STXBP5: variants seen among roughly 807,000 people sequenced by gnomAD.
STXBP5 encodes syntaxin-binding protein 5.
STXBP5 carries 50 observed loss-of-function variants against 152.4 expected under a neutral mutation model. The observed-to-expected ratio is 0.33, with a 90% CI of 0.26 to 0.42. STXBP5 has a LOEUF of 0.42. Among genes scored for constraint, STXBP5 ranks in the 10% least tolerant of loss-of-function variants. The pLI is 1.00. For missense variants in STXBP5, 1,167 were observed against 1,388.6 expected, an observed-to-expected ratio of 0.84 and a Z score of 2.54; for synonymous variants, 492 against 494.7, an observed-to-expected ratio of 0.99 and a Z score of 0.07.
At chr6:147,253,513 A>T (rs1306824738) in intron 4 of STXBP5, among the ~76,000 whole-genome samples, 1 of 152,138 alleles carries the variant, frequency 6.6e-6, no homozygotes, top group African/African-American at 2.4e-5. Context: ...AGGAAGTCAA[A>T]TTGTCTCTGT....
At chr6:147,319,010 T>C (rs566369513) in intron 16 of STXBP5, among the ~76,000 whole-genome samples, 3 of 152,320 alleles carry the variant, frequency 2.0e-5, no homozygotes, top group Non-Finnish European at 2.9e-5. Flanking sequence ...CTCAGAACTT[T>C]GTGACCATCC....
chr6:147,306,370 C>A (rs530953752), intron 9 of STXBP5, among the ~76,000 whole-genome samples: 14 of 152,316 alleles, frequency 9.2e-5, no homozygotes, highest in Non-Finnish European at 2.1e-4. Context: ...GGGCCCCCAA[C>A]TCTGCCAGGG....
In STXBP5 at chr6:147,353,500, T is replaced by C; in HGVS notation, c.2305+127T>C. On this transcript the variant is annotated intron_variant, in intron 22 of 27. Coordinates refer to ENST00000321680, the MANE Select transcript of STXBP5 (RefSeq NM_001127715.4). ...TTTAAAATGACTAAGATGCTTAAGG[T>C]TTAAACATTCTTTGGAATAGTCTTT... 5.7e-6 allele frequency: 3 copies of C among 528,748 alleles called. 1 individual carries two copies. The South Asian group carries it at 9.3e-5, about 16-fold the overall frequency. The allele number at this position is 528,748 out of a possible 1,614,324, so 32.8% of individuals were successfully genotyped here.
chr6:147,356,431 A>C (rs1046024782), intron 22 of STXBP5, among the ~76,000 whole-genome samples: 3 of 151,850 alleles, frequency 2.0e-5, no homozygotes, highest in African/African-American at 7.2e-5. Flanking sequence ...TTGCTAAAAT[A>C]ACTTTGGAAA....
At chr6:147,316,170 T>C (rs1384988752) in intron 15 of STXBP5, 59 bp from the exon 16 acceptor site, 1 of 1,518,158 alleles carries the variant, frequency 6.6e-7, no homozygotes, top group Non-Finnish European at 9.1e-7. Context: ...TGTGTATAAA[T>C]TGTGATAAAA....
chr6:147,308,573 A>G (rs994924281), intron 9 of STXBP5, among the ~76,000 whole-genome samples: 1 of 152,164 alleles, frequency 6.6e-6, no homozygotes, highest in Admixed American at 6.6e-5. Flanking sequence ...CATGAAGCAT[A>G]CATTTTAATG....
chr6:147,247,435 T>C (rs935802695), intron 4 of STXBP5, among the ~76,000 whole-genome samples: 13 of 152,198 alleles, frequency 8.5e-5, no homozygotes, highest in East Asian at 1.9e-4. Flanking sequence ...GTTGGTGATA[T>C]GGAAATGATG....
chr6:147,366,811 A>G (rs1046408295), intron 25 of STXBP5, among the ~76,000 whole-genome samples: 4 of 152,218 alleles, frequency 2.6e-5, no homozygotes, highest in Non-Finnish European at 4.4e-5. Context: ...TACTCCAGAT[A>G]TGCCTAACAA....
At chr6:147,288,351 C>G (rs1037193584) in intron 8 of STXBP5, among the ~76,000 whole-genome samples, 10 of 152,136 alleles carry the variant, frequency 6.6e-5, no homozygotes, top group African/African-American at 2.4e-4. Flanking sequence ...CTTCAGTCCT[C>G]TCTGTTGGCT....
At chr6:147,207,818 C>T (rs919241755) in intron 2 of STXBP5, among the ~76,000 whole-genome samples, 1 of 152,114 alleles carries the variant, frequency 6.6e-6, no homozygotes, top group African/African-American at 2.4e-5. Context: ...TCTCGACATT[C>T]TTTTGGTAAA....
chr6:147,221,617 A>C (rs1239263576), intron 2 of STXBP5, among the ~76,000 whole-genome samples: 2 of 151,732 alleles, frequency 1.3e-5, no homozygotes, highest in Non-Finnish European at 2.9e-5. Context: ...TCTTGTGAGA[A>C]GTCAGAAATA....
intron 22 of STXBP5, among the ~76,000 whole-genome samples, chr6:147,354,381 TAA>T (rs1483338699): frequency 6.6e-6 from 1 of 151,982 alleles, no homozygotes; most frequent in African/African-American, 2.4e-5. Flanking sequence ...TAGAACCCTA[TAA>T]TATCCCTAGT....
intron 16 of STXBP5, among the ~76,000 whole-genome samples, chr6:147,320,447 T>A (rs1487466186): frequency 6.6e-6 from 1 of 152,114 alleles, no homozygotes; most frequent in African/African-American, 2.4e-5. Flanking sequence ...ATAGGGACTC[T>A]ACCATTCCTG....
Position 147,316,281 on chromosome 6 carries a change from G to A in STXBP5, c.1676G>A (p.Gly559Asp). ...ATAAATGATGTGGAAACTCCGGAGG[G>A]TGAGCAGCCACCACCTTTGCCAACA... ...YEINDVETPE[G>D]EQPPPLPTPV... The change falls in exon 16 of 28, where the codon GGT (glycine) becomes GAT (aspartate). Residue 559 changes from glycine to aspartate, a missense_variant. Coordinates refer to ENST00000321680, the MANE Select transcript of STXBP5 (RefSeq NM_001127715.4). The A allele has an allele frequency of 6.2e-7, 1 of 1,613,888 alleles. No individual in the cohort carries two copies. Among genetic ancestry groups the A allele is most frequent in the Non-Finnish European group, 8.5e-7 (1 of 1,179,950 alleles).
chr6:147,355,947 A>G (rs1305074788), intron 22 of STXBP5, among the ~76,000 whole-genome samples: 2 of 152,112 alleles, frequency 1.3e-5, no homozygotes, highest in African/African-American at 2.4e-5. Flanking sequence ...GTAATTCATG[A>G]ATTGCTGAAA....
intron 4 of STXBP5, among the ~76,000 whole-genome samples, chr6:147,246,795 G>A (rs1314092824): frequency 1.3e-5 from 2 of 152,082 alleles, no homozygotes; most frequent in African/African-American, 4.8e-5. Flanking sequence ...GAGAATTCAT[G>A]TTCACAGTCC....
chr6:147,262,174 C>A, intron 5 of STXBP5, 116 bp from the exon 6 acceptor site: 1 of 673,096 alleles, frequency 1.5e-6, no homozygotes. Context: ...TTGCTGAAAT[C>A]CTTTCTTTCT....
chr6:147,292,107 A>G (rs1781304653), intron 9 of STXBP5: 1 of 306,866 alleles, frequency 3.3e-6, no homozygotes. Context: ...TTTTTTGTAT[A>G]CCAGTTTATA....
chr6:147,311,166 T>C (rs1392100524), intron 10 of STXBP5, among the ~76,000 whole-genome samples: 2 of 152,202 alleles, frequency 1.3e-5, no homozygotes, highest in African/African-American at 4.8e-5. Flanking sequence ...TTGTGTGTAT[T>C]CAGATTTAAA....
Sources: gnomAD v4.1 joint callset for allele counts (sites outside exome capture counted in the v4.1 genomes callset) on GRCh38, gnomAD v4.1.1 for gene constraint, MANE v1.5 for transcripts, NCBI Gene and HGNC (gene_info 2026-07-23, HGNC 2026-07-21) for gene names.